PLEKHM3: variants seen among roughly 807,000 people sequenced by gnomAD.
PLEKHM3 encodes the protein pleckstrin homology domain-containing family M member 3.
In PLEKHM3, 45 loss-of-function variants were observed where a neutral mutation model predicts 81.8. The observed-to-expected ratio is 0.55, with a 90% CI of 0.43 to 0.71. PLEKHM3 has a LOEUF of 0.71. Among genes scored for constraint, PLEKHM3 ranks in the 30% least tolerant of loss-of-function variants. The pLI, the probability that PLEKHM3 is intolerant of heterozygous loss-of-function variation, is 0.00. For missense variants in PLEKHM3, 788 were observed against 924.3 expected (o/e 0.85, Z 1.91); for synonymous variants, 352 against 356.4 (o/e 0.99, Z 0.14).
rs150476951 is a variant in PLEKHM3 at position 207,849,059 on chromosome 2, C to T, written c.2108+12046G>A. 4.8e-3 allele frequency among the ~76,000 whole-genome samples: 738 copies of T among 152,242 alleles called. 7 individuals are homozygous for T. Among genetic ancestry groups the T allele is most frequent in the African/African-American group, 0.017 (712 of 41,556 alleles). ...TTTAAATGTGTGCAGACTGGCTGGG[C>T]GTGGTGGCTCATGCCTGTAATCTTG... On this transcript the variant is annotated intron_variant, in intron 7 of 7. Transcript: ENST00000427836.
intron 4 of PLEKHM3, among the ~76,000 whole-genome samples, chr2:207,943,099 A>C (rs1388839830): frequency 6.6e-6 from 1 of 152,100 alleles, no homozygotes; most frequent in Non-Finnish European, 1.5e-5. Context: ...TGGGAAAGAG[A>C]AGTTCTAGTA....
In PLEKHM3 at chr2:207,865,793, AAAAAAAAAAGATATAT is replaced by A. The variant is rs1319695960; in HGVS notation, c.1951-4547_1951-4532del. Among the ~76,000 whole-genome samples, 60 of 37,772 alleles carry A rather than the reference AAAAAAAAAAGATATAT, an allele frequency of 1.6e-3. 2 individuals are homozygous for A. Among genetic ancestry groups the A allele is most frequent in the Middle Eastern group, 0.012 (1 of 84 alleles). 24.8% of individuals were successfully genotyped at this position (37,772 alleles called of 152,430 possible). ...AAAAACTCCGACTCAAAAAAAAAAA[AAAAAAAAAAGATATAT>A]ATATATATATATATATATATATATA... On this transcript the variant is annotated intron_variant, in intron 6 of 7. Transcript: ENST00000427836.
chr2:207,879,702 T>C (rs1370238258), intron 6 of PLEKHM3, among the ~76,000 whole-genome samples: 2 of 152,202 alleles, frequency 1.3e-5, no homozygotes, highest in African/African-American at 4.8e-5. Flanking sequence ...TCCTGGGACA[T>C]GGGTCATTCC....
At chr2:207,943,792 C>T (rs868230229) in intron 4 of PLEKHM3, among the ~76,000 whole-genome samples, 18 of 144,748 alleles carry the variant, frequency 1.2e-4, no homozygotes, top group East Asian at 8.3e-4. Context: ...GGCGTGAACC[C>T]GGGAGGCGCA....
At chr2:207,984,012 C>G (rs1486361627) in intron 2 of PLEKHM3, among the ~76,000 whole-genome samples, 1 of 152,178 alleles carries the variant, frequency 6.6e-6, no homozygotes, top group Non-Finnish European at 1.5e-5. Flanking sequence ...GGGTGCCAAA[C>G]AGTAAAGTCC....
chr2:207,931,080 C>A lies in PLEKHM3; in HGVS notation c.1732G>T (p.Glu578Ter), dbSNP rs779382311. The stretch of plus-strand genomic sequence containing the variant: ...TGCTGGATGTCGATGAGCGGCTCTT[C>A]GTACACGTACTCCAGAAACTCCTTG... Reference protein sequence around the residue: ...QAKEFLEYVYEEPLIDIQQEN... With the variant: ...QAKEFLEYVY The change falls in exon 5 of 8, where the codon GAA becomes TAA. Residue 578 changes from glutamate to a stop codon, truncating the protein, a stop_gained. Coordinates refer to ENST00000427836, the MANE Select transcript of PLEKHM3 (RefSeq NM_001080475.3). LOFTEE classifies it high-confidence loss of function. 6.2e-7 allele frequency: 1 copy of A among 1,613,872 alleles called. No individual in the cohort carries two copies. The highest frequency in any genetic ancestry group is 1.1e-5 in the South Asian group (1 of 91,050).
At position 207,865,801 on chromosome 2, in the gene PLEKHM3, A is replaced by AAAAAAAAAATAT; in HGVS notation, c.1951-4540_1951-4539insATATTTTTTTTT. 1.5e-3 allele frequency among the ~76,000 whole-genome samples: 39 copies of AAAAAAAAAATAT among 25,268 alleles called. 7 individuals are homozygous for AAAAAAAAAATAT. Among genetic ancestry groups the AAAAAAAAAATAT allele is most frequent in the African/African-American group, 2.3e-3 (11 of 4,792 alleles). 16.6% of individuals were successfully genotyped at this position (25,268 alleles called of 152,430 possible). On this transcript the variant is annotated intron_variant, in intron 6 of 7. Coordinates refer to ENST00000427836, the MANE Select transcript of PLEKHM3 (RefSeq NM_001080475.3). ...CGACTCAAAAAAAAAAAAAAAAAAA[A>AAAAAAAAAATAT]AGATATATATATATATATATATATA...
rs1014304404 is a variant in PLEKHM3 at position 207,863,495 on chromosome 2, C to G, written c.1951-2233G>C. 2.0e-5 allele frequency among the ~76,000 whole-genome samples: 3 copies of G among 152,350 alleles called. 1 individual carries two copies. Among genetic ancestry groups the G allele is most frequent in the African/African-American group, 7.2e-5 (3 of 41,576 alleles). On this transcript the variant is annotated intron_variant, in intron 6 of 7. Coordinates refer to ENST00000427836, the MANE Select transcript of PLEKHM3 (RefSeq NM_001080475.3). ...GACTCAGGATTTATTCACGTCCTGC[C>G]CACTCTAGGCTCACAGAAATAAAAT...
chr2:207,838,796 G>A (rs1430553641), intron 7 of PLEKHM3, among the ~76,000 whole-genome samples: 3 of 152,162 alleles, frequency 2.0e-5, no homozygotes, highest in African/African-American at 7.2e-5. Context: ...GGAACTGACG[G>A]AGGATTTAAA....
intron 5 of PLEKHM3, among the ~76,000 whole-genome samples, chr2:207,919,866 TGA>T: frequency 6.6e-6 from 1 of 152,064 alleles, no homozygotes; most frequent in African/African-American, 2.4e-5. Context: ...TTAAATCAAG[TGA>T]CATTGATGGG....
At chr2:207,863,605 G>A (rs1009403829) in intron 6 of PLEKHM3, among the ~76,000 whole-genome samples, 1 of 152,206 alleles carries the variant, frequency 6.6e-6, no homozygotes, top group African/African-American at 2.4e-5. Context: ...GGCGTGCTGG[G>A]CCCTGGCAGT....
chr2:207,914,264 G>A (rs1179877419), intron 5 of PLEKHM3, among the ~76,000 whole-genome samples: 2 of 152,076 alleles, frequency 1.3e-5, no homozygotes, highest in Non-Finnish European at 2.9e-5. Flanking sequence ...GGGAGGCCAA[G>A]TCGGGCTGAT....
At position 207,861,119 on chromosome 2, in the gene PLEKHM3, A is replaced by G; in HGVS notation, c.2094T>C (p.Asp698=). Residue 698 remains aspartate (D), a synonymous_variant, in exon 7 of 8, where the codon GAT becomes GAC. Coordinates refer to ENST00000427836, the MANE Select transcript of PLEKHM3 (RefSeq NM_001080475.3). The part of the protein sequence containing the change: ...NNGEILYPFE[D]ISTSRCESCG... ...ATATTCTGTACCTGCTTGTTGAAAT[A>G]TCCTCAAAAGGGTAGAGGATCTCTC... 1 of 1,613,146 alleles carries G rather than the reference A, an allele frequency of 6.2e-7. No individual in the cohort carries two copies. Among genetic ancestry groups the G allele is most frequent in the South Asian group, 1.1e-5 (1 of 90,710 alleles).
At chr2:207,893,889 G>A (rs886066012) in intron 6 of PLEKHM3, among the ~76,000 whole-genome samples, 21 of 152,154 alleles carry the variant, frequency 1.4e-4, no homozygotes, top group African/African-American at 5.1e-4. Flanking sequence ...GCCGAGGTGG[G>A]AGGATCACTT....
At chr2:207,889,733 A>G (rs904433195) in intron 6 of PLEKHM3, among the ~76,000 whole-genome samples, 1 of 152,090 alleles carries the variant, frequency 6.6e-6, no homozygotes, top group African/African-American at 2.4e-5. Context: ...CCCATTTCCA[A>G]TGCCATTCCT....
At chr2:207,922,798 A>T (rs1300328014) in intron 5 of PLEKHM3, among the ~76,000 whole-genome samples, 5 of 150,894 alleles carry the variant, frequency 3.3e-5, no homozygotes, top group Admixed American at 6.6e-5. Context: ...GGCAACAGAG[A>T]GAGACTCCGT....
chr2:208,011,929 T>C (rs373952522), intron 1 of PLEKHM3, among the ~76,000 whole-genome samples: 4 of 151,704 alleles, frequency 2.6e-5, no homozygotes, highest in African/African-American at 9.7e-5. Flanking sequence ...CCTGAGTAAC[T>C]GGGATTACAG....
rs1050275133 is a variant in PLEKHM3, at chr2:207,972,565, C to T, written c.1546+4086G>A. 3.6e-5 allele frequency among the ~76,000 whole-genome samples: 5 copies of T among 140,554 alleles called. No homozygotes were observed. In the Admixed American group the frequency reaches 3.8e-4, roughly 11 times the overall value. The allele number at this position is 140,554 out of a possible 152,430, so 92.2% of individuals were successfully genotyped here. ...TCATAACACTGCACTCCAGCCTGGGCAACAGGGCGAGACTCCGTCTCAAAA... is the reference window on the plus strand; with the variant it reads ...TCATAACACTGCACTCCAGCCTGGGTAACAGGGCGAGACTCCGTCTCAAAA... On this transcript the variant is annotated intron_variant, in intron 3 of 7. Transcript: ENST00000427836.
intron 6 of PLEKHM3, among the ~76,000 whole-genome samples, chr2:207,881,714 G>A (rs766627783): frequency 1.3e-4 from 20 of 152,224 alleles, no homozygotes; most frequent in Non-Finnish European, 2.4e-4. Flanking sequence ...ATGGTTGACA[G>A]TCAACCACTG....
Sources: gnomAD v4.1 joint callset for allele counts (sites outside exome capture counted in the v4.1 genomes callset) on GRCh38, gnomAD v4.1.1 for gene constraint, MANE v1.5 for transcripts, NCBI Gene and HGNC (gene_info 2026-07-23, HGNC 2026-07-21) for gene names.